The following TNRC6B variants were observed in gnomAD, a reference collection of about 807,000 sequenced individuals.
TNRC6B encodes trinucleotide repeat containing adaptor 6B.
A neutral mutation model predicts 203.6 loss-of-function variants in TNRC6B; 52 were observed. The ratio of observed to expected loss-of-function variants is 0.26; its 90% CI spans 0.20 to 0.32. The LOEUF (loss-of-function observed/expected upper bound fraction) is 0.32. Among genes scored for constraint, TNRC6B ranks in the 10% least tolerant of loss-of-function variants. The pLI is 1.00. For synonymous variants in TNRC6B, 838 were observed against 845.7 expected (o/e 0.99, Z 0.16); for missense variants, 1,923 against 2,286.2 (o/e 0.84, Z 3.24).
chr22:40,050,936 T>A (rs976122742), intron 1 of TNRC6B, among the ~76,000 whole-genome samples: 1 of 151,970 alleles, frequency 6.6e-6, no homozygotes, highest in Non-Finnish European at 1.5e-5. Context: ...GCAATTCTTC[T>A]GCCTCAGCCT....
At chr22:40,274,277 A>G (rs958695780) in intron 7 of TNRC6B, among the ~76,000 whole-genome samples, 5 of 152,206 alleles carry the variant, frequency 3.3e-5, no homozygotes, top group Admixed American at 2.0e-4. Context: ...ATCCAGAGGA[A>G]GATAATGCTG....
intron 3 of TNRC6B, among the ~76,000 whole-genome samples, chr22:40,252,684 G>C (rs1399297523): frequency 1.3e-5 from 2 of 152,144 alleles, no homozygotes; most frequent in African/African-American, 4.8e-5. Context: ...ATCTGCCCTT[G>C]TACATTTCCT....
chr22:40,276,347 AG>A (rs2070644960), intron 7 of TNRC6B, among the ~76,000 whole-genome samples: 1 of 151,796 alleles, frequency 6.6e-6, no homozygotes. Context: ...AAAAAAAAAA[AG>A]ATAGCTATCA....
chr22:40,103,891 C>T (rs1323970387), intron 1 of TNRC6B, among the ~76,000 whole-genome samples: 2 of 151,472 alleles, frequency 1.3e-5, no homozygotes, highest in African/African-American at 4.8e-5. Context: ...GATCTGCCCA[C>T]CTTGGCCTCC....
intron 1 of TNRC6B, among the ~76,000 whole-genome samples, chr22:40,087,665 G>A (rs1480961958): frequency 6.6e-6 from 1 of 152,130 alleles, no homozygotes; most frequent in African/African-American, 2.4e-5. Flanking sequence ...GTAGGCATTG[G>A]CCAGGTGATC....
intron 3 of TNRC6B, among the ~76,000 whole-genome samples, chr22:40,142,415 G>A (rs940903659): frequency 1.8e-4 from 27 of 152,144 alleles, no homozygotes; most frequent in African/African-American, 6.5e-4. Flanking sequence ...TAGGGCTTAG[G>A]CATCTTTGCT....
intron 12 of TNRC6B, among the ~76,000 whole-genome samples, chr22:40,295,474 CAAAAA>C (rs5845457): frequency 1.0e-5 from 1 of 98,986 alleles, no homozygotes; most frequent in Non-Finnish European, 2.0e-5. Context: ...ACTCCATTTC[CAAAAA>C]AAAAAAAAAA....
At chr22:40,144,761 A>G (rs1242146228) in intron 3 of TNRC6B, among the ~76,000 whole-genome samples, 1 of 151,958 alleles carries the variant, frequency 6.6e-6, no homozygotes, top group East Asian at 1.9e-4. Context: ...GAAAAAATGT[A>G]GATATAAAAG....
At chr22:40,246,195 TA>T in intron 2 of TNRC6B, 93 bp downstream of exon 2, 3 of 1,039,820 alleles carry the variant, frequency 2.9e-6, no homozygotes, top group East Asian at 5.7e-5. Context: ...CGATATCTTT[TA>T]TTTTTTTTCC....
chr22:40,178,260 T>A, intron 1 of TNRC6B, 120 bp downstream of exon 1: 1 of 1,197,724 alleles, frequency 8.3e-7, no homozygotes, highest in Non-Finnish European at 1.2e-6. Context: ...TTCAGACATT[T>A]CGTGGATCTG....
chr22:40,169,515 A>G (rs552395565), intron 4 of TNRC6B, among the ~76,000 whole-genome samples: 1 of 152,334 alleles, frequency 6.6e-6, no homozygotes, highest in Non-Finnish European at 1.5e-5. Context: ...CAATTATCTT[A>G]CAATAGAATC....
intron 1 of TNRC6B, among the ~76,000 whole-genome samples, chr22:40,189,498 C>CCA (rs369315872): frequency 8.9e-6 from 1 of 112,280 alleles, no homozygotes; most frequent in African/African-American, 2.8e-5. Flanking sequence ...TTTGTCTGCC[C>CCA]AAAAAAAAAA....
In TNRC6B at chr22:40,266,562, A is replaced by G. The variant is rs370634696; in HGVS notation, c.2332A>G (p.Asn778Asp). The change falls in exon 5 of 23, where the codon AAT becomes GAT. Residue 778 changes from asparagine to aspartate, a missense_variant. Physicochemically the swap from Asn to Asp is conservative, Grantham distance 23. This residue lies in a region of TNRC6B where 599 missense variants were observed against 656.5 expected (regional missense o/e 0.91). Coordinates refer to ENST00000454349, the MANE Select transcript of TNRC6B (RefSeq NM_001162501.2). ...GTCTGGGTGGGGTGAAGGAGGGCAG[A>G]ATGAAATCGGGACTTGGGGTAATGG... ...PVSGWGEGGQ[N>D]EIGTWGNGGN... The G allele has an allele frequency of 9.9e-6, 16 of 1,613,576 alleles. No homozygotes were observed. The highest frequency in any genetic ancestry group is 1.3e-5 in the Non-Finnish European group (15 of 1,179,742).
intron 1 of TNRC6B, among the ~76,000 whole-genome samples, chr22:40,181,424 A>G (rs959647333): frequency 7.9e-5 from 12 of 152,206 alleles, no homozygotes; most frequent in Non-Finnish European, 1.8e-4. Flanking sequence ...TTTATAACTC[A>G]GATCATATAA....
chr22:40,207,415 AAAAATATATATATAT>A (rs1569020869), intron 1 of TNRC6B, among the ~76,000 whole-genome samples: 1 of 113,082 alleles, frequency 8.8e-6, no homozygotes, highest in African/African-American at 5.6e-5. Flanking sequence ...TCAAAAAAAA[AAAAATATATATATAT>A]ATATATATAT....
chr22:40,321,180 C>G lies in TNRC6B; in HGVS notation c.5065C>G (p.Arg1689Gly), dbSNP rs1319399985. Residue 1689 changes from arginine to glycine, a missense_variant, in exon 22 of 23, where the codon CGA becomes GGA. Coordinates refer to ENST00000454349, the MANE Select transcript of TNRC6B (RefSeq NM_001162501.2). Reference sequence around the variant, plus strand: ...TCTAACCCAGGGCACTGCCCTGATCCGATACAGCACCAAACAGGAGGCGGC... The same window carrying G: ...TCTAACCCAGGGCACTGCCCTGATCGGATACAGCACCAAACAGGAGGCGGC... ...LNLTQGTALIRYSTKQEAAKA... is the reference protein window; with the variant it reads ...LNLTQGTALIGYSTKQEAAKA... 2 of 1,613,980 alleles carry G rather than the reference C, an allele frequency of 1.2e-6. No individual in the cohort carries two copies. The highest frequency in any genetic ancestry group is 1.1e-5 in the South Asian group (1 of 91,086).
intron 1 of TNRC6B, among the ~76,000 whole-genome samples, chr22:40,086,334 T>C (rs1023371913): frequency 2.6e-5 from 4 of 152,248 alleles, no homozygotes; most frequent in South Asian, 2.1e-4. Context: ...AATATACTTA[T>C]TTCATTATGA....
At chr22:40,189,901 G>GA (rs1052044969) in intron 1 of TNRC6B, among the ~76,000 whole-genome samples, 41 of 151,340 alleles carry the variant, frequency 2.7e-4, no homozygotes, top group African/African-American at 7.0e-4. Flanking sequence ...TCATTTCAAA[G>GA]AAAAAAAAAT....
At chr22:40,177,565 T>A (rs553594393), upstream of TNRC6B, among the ~76,000 whole-genome samples, 1 of 152,286 alleles carries the variant, frequency 6.6e-6, no homozygotes, top group African/African-American at 2.4e-5. Context: ...TTCAGCCCCT[T>A]TTACAGAGCA....
Sources: gnomAD v4.1 joint callset for allele counts (sites outside exome capture counted in the v4.1 genomes callset) on GRCh38, gnomAD v4.1.1 for gene constraint, gnomAD v4.1.1 regional missense constraint, MANE v1.5 for transcripts, NCBI Gene and HGNC (gene_info 2026-07-23, HGNC 2026-07-21) for gene names.